The following DCC variants were observed in gnomAD, a reference collection of about 807,000 sequenced individuals.
DCC encodes netrin receptor DCC.
A neutral mutation model predicts 172.5 loss-of-function variants in DCC; 58 were observed. That is an observed-to-expected ratio of 0.34 (90% CI 0.27 to 0.42). The LOEUF is 0.42. Among genes scored for constraint, DCC ranks in the 10% least tolerant of loss-of-function variants. The pLI is 1.00. For missense variants in DCC, 1,740 were observed against 1,791.0 expected (o/e 0.97, Z 0.51); for synonymous variants, 709 against 644.5 (o/e 1.10, Z -1.52).
At chr18:53,457,109 G>A (rs535909690) in intron 23 of DCC, among the ~76,000 whole-genome samples, 20 of 152,284 alleles carry the variant, frequency 1.3e-4, no homozygotes, top group Non-Finnish European at 2.8e-4. Flanking sequence ...CAGTCAGCTG[G>A]GTGGGTGAGC....
chr18:52,931,065 C>T (rs564946438), intron 5 of DCC, among the ~76,000 whole-genome samples: 2 of 151,806 alleles, frequency 1.3e-5, no homozygotes, highest in Non-Finnish European at 2.9e-5. Flanking sequence ...TTAAAGGTCT[C>T]TCATGGACTT....
rs375596509 is a variant in DCC at position 53,204,250 on chromosome 18, A to T, written c.1574-966A>T. The stretch of plus-strand genomic sequence containing the variant: ...TAAAATCTGAAAGTTTCAAAATCTT[A>T]AGATACCTGGGCTGGGTGTGGTGTC... On this transcript the variant is annotated intron_variant, in intron 9 of 28. Coordinates refer to ENST00000442544, the MANE Select transcript of DCC (RefSeq NM_005215.4). Among the ~76,000 whole-genome samples the T allele has an allele frequency of 9.2e-5, 14 of 152,070 alleles. 1 individual carries two copies. The highest frequency in any genetic ancestry group is 2.9e-4 in the African/African-American group (12 of 41,398).
intron 1 of DCC, among the ~76,000 whole-genome samples, chr18:52,496,120 A>G (rs2030738330): frequency 1.3e-5 from 2 of 152,164 alleles, no homozygotes; most frequent in Non-Finnish European, 2.9e-5. Context: ...CCTGATTACA[A>G]ACCACACCCT....
At chr18:52,836,172 A>G (rs1387873286) in intron 2 of DCC, among the ~76,000 whole-genome samples, 2 of 152,288 alleles carry the variant, frequency 1.3e-5, no homozygotes, top group East Asian at 3.9e-4. Flanking sequence ...CCCATGATTC[A>G]GTTATCTCCA....
intron 7 of DCC, among the ~76,000 whole-genome samples, chr18:53,119,389 C>A (rs2043451332): frequency 6.6e-6 from 1 of 151,668 alleles, no homozygotes; most frequent in African/African-American, 2.4e-5. Flanking sequence ...GTTCCTGGCT[C>A]AACTCTCTCA....
intron 1 of DCC, among the ~76,000 whole-genome samples, chr18:52,620,205 C>T (rs2034453729): frequency 6.6e-6 from 1 of 152,188 alleles, no homozygotes; most frequent in Admixed American, 6.5e-5. Flanking sequence ...CAAAATTTTT[C>T]ACCTCTCAAA....
chr18:53,068,819 T>G (rs2042612327), intron 7 of DCC, among the ~76,000 whole-genome samples: 1 of 115,176 alleles, frequency 8.7e-6, no homozygotes, highest in Non-Finnish European at 1.8e-5. Flanking sequence ...GTGTGTGTGT[T>G]GCTGGGGACT....
intron 5 of DCC, among the ~76,000 whole-genome samples, chr18:53,054,371 T>A (rs2042375113): frequency 6.6e-6 from 1 of 152,072 alleles, no homozygotes; most frequent in South Asian, 2.1e-4. Context: ...TGTGTGTATA[T>A]GTAGGCTCAC....
chr18:53,193,400 A>G (rs1313785745), intron 9 of DCC, among the ~76,000 whole-genome samples: 1 of 152,178 alleles, frequency 6.6e-6, no homozygotes, highest in South Asian at 2.1e-4. Flanking sequence ...GTTAACATTC[A>G]TTGAGCATTT....
At chr18:53,179,323 A>C (rs1442239245) in intron 9 of DCC, among the ~76,000 whole-genome samples, 1 of 152,194 alleles carries the variant, frequency 6.6e-6, no homozygotes, top group African/African-American at 2.4e-5. Context: ...CGTAATGGCA[A>C]ATTAACCTCT....
intron 3 of DCC, among the ~76,000 whole-genome samples, chr18:52,921,705 A>AAAAAT (rs2040128234): frequency 6.8e-6 from 1 of 146,886 alleles, no homozygotes; most frequent in East Asian, 2.0e-4. Context: ...TCAAAAATAA[A>AAAAAT]AATAATAATA....
intron 1 of DCC, among the ~76,000 whole-genome samples, chr18:52,691,348 C>T (rs1158845104): frequency 6.6e-6 from 1 of 152,050 alleles, no homozygotes; most frequent in African/African-American, 2.4e-5. Context: ...GTATTAGTTT[C>T]CTAGGGTAGC....
At chr18:52,497,283 A>ATGTG (rs60002136) in intron 1 of DCC, among the ~76,000 whole-genome samples, 3 of 24,886 alleles carry the variant, frequency 1.2e-4, no homozygotes, top group African/African-American at 3.1e-4. Flanking sequence ...AAAAAAAAAT[A>ATGTG]TATATATATA....
chr18:53,403,235 T>TATA (rs1421771376), intron 19 of DCC, among the ~76,000 whole-genome samples: 1 of 152,196 alleles, frequency 6.6e-6, no homozygotes, highest in Non-Finnish European at 1.5e-5. Context: ...TATAAATGTC[T>TATA]ATAAAGAAGC....
intron 1 of DCC, among the ~76,000 whole-genome samples, chr18:52,536,828 G>T (rs2144694196): frequency 6.6e-6 from 1 of 152,248 alleles, no homozygotes; most frequent in Non-Finnish European, 1.5e-5. Context: ...TTCCTAAGAA[G>T]ACTCTGATAA....
chr18:52,554,765 C>T (rs2032867328), intron 1 of DCC, among the ~76,000 whole-genome samples: 1 of 152,058 alleles, frequency 6.6e-6, no homozygotes, highest in Admixed American at 6.6e-5. Context: ...AGTAAATTCA[C>T]AGGCTCACTA....
chr18:53,271,009 C>A (rs1019846939), intron 12 of DCC, among the ~76,000 whole-genome samples: 2 of 152,014 alleles, frequency 1.3e-5, no homozygotes, highest in African/African-American at 4.8e-5. Flanking sequence ...CAATAACTAC[C>A]ACAATGGAGC....
intron 27 of DCC, among the ~76,000 whole-genome samples, chr18:53,516,896 C>T (rs1488902592): frequency 7.0e-6 from 1 of 143,588 alleles, no homozygotes; most frequent in East Asian, 2.0e-4. Flanking sequence ...GTGGCGATTC[C>T]TCAGGGATCT....
intron 1 of DCC, among the ~76,000 whole-genome samples, chr18:52,398,118 T>TATA (rs372737889): frequency 0.12 from 18,981 of 151,944 alleles, 1,343 homozygotes; most frequent in Middle Eastern, 0.16. Flanking sequence ...ATGCTTTAAC[T>TATA]TTGACGGTAC....
Sources: gnomAD v4.1 joint callset for allele counts (sites outside exome capture counted in the v4.1 genomes callset) on GRCh38, gnomAD v4.1.1 for gene constraint, MANE v1.5 for transcripts, NCBI Gene and HGNC (gene_info 2026-07-23, HGNC 2026-07-21) for gene names.